Variants in ASB3 observed in about 807,000 individuals in gnomAD.
ASB3 encodes the protein ankyrin repeat and SOCS box protein 3.
Under a neutral mutation model 54.5 loss-of-function variants are expected in ASB3, and 41 were observed. The observed-to-expected ratio is 0.75, with a 90% confidence interval of 0.59 to 0.98. The LOEUF is 0.98. Ranked by LOEUF, ASB3 falls within the 50% of genes least tolerant of loss-of-function variation. ASB3 has a pLI of 0.00. For synonymous variants in ASB3, 266 were observed against 221.2 expected (o/e 1.20, Z -1.80); for missense variants, 733 against 620.0 (o/e 1.18, Z -1.94).
In ASB3 at chr2:53,773,260, G is replaced by A. The variant is rs1040011508; in HGVS notation, c.-13-7675C>T. Among the ~76,000 whole-genome samples, 56 of 150,664 alleles carry A rather than the reference G, an allele frequency of 3.7e-4. 1 individual carries two copies. The highest frequency in any genetic ancestry group is 1.3e-3 in the African/African-American group (53 of 40,338). The stretch of plus-strand genomic sequence containing the variant: ...GGCTCATATTTTTCATTTCAGTCCC[G>A]TTATTAAAGAAAAAGACCAAATTAA... On this transcript the variant is annotated intron_variant, in intron 1 of 9. Coordinates refer to ENST00000263634, the MANE Select transcript of ASB3 (RefSeq NM_016115.5).
chr2:53,675,915 G>A (rs1260803616), intron 9 of ASB3, among the ~76,000 whole-genome samples: 1 of 152,096 alleles, frequency 6.6e-6, no homozygotes, highest in East Asian at 1.9e-4. Flanking sequence ...GGGCATGGAG[G>A]GGAGTTCCTT....
intron 1 of ASB3, 128 bp from the exon 2 acceptor site, chr2:53,765,713 G>A: frequency 9.3e-7 from 1 of 1,073,052 alleles, no homozygotes; most frequent in Non-Finnish European, 1.3e-6. Flanking sequence ...CCACAATACA[G>A]AAAGTGACTG....
chr2:53,749,135 A>C (rs1456804335), intron 3 of ASB3, among the ~76,000 whole-genome samples: 1 of 152,170 alleles, frequency 6.6e-6, no homozygotes, highest in Non-Finnish European at 1.5e-5. Context: ...ATTATTTCAA[A>C]ACAAAACGTC....
chr2:53,671,375 T>C (rs1330867132), intron 9 of ASB3, among the ~76,000 whole-genome samples: 1 of 151,588 alleles, frequency 6.6e-6, no homozygotes, highest in Non-Finnish European at 1.5e-5. Context: ...TGTGTGTGTG[T>C]GTGTGTGTGT....
At chr2:53,749,070 G>A (rs1672381200) in intron 3 of ASB3, among the ~76,000 whole-genome samples, 1 of 152,018 alleles carries the variant, frequency 6.6e-6, no homozygotes, top group South Asian at 2.1e-4. Context: ...AAATCTGGGT[G>A]AAAAGTATAT....
At chr2:53,768,686 T>C (rs959667632) in intron 1 of ASB3, among the ~76,000 whole-genome samples, 1 of 152,252 alleles carries the variant, frequency 6.6e-6, no homozygotes, top group Non-Finnish European at 1.5e-5. Context: ...ATTATTTTAA[T>C]GTTACTTTCT....
chr2:53,738,889 C>G (rs1217377384), intron 3 of ASB3, among the ~76,000 whole-genome samples: 1 of 152,130 alleles, frequency 6.6e-6, no homozygotes, highest in Non-Finnish European at 1.5e-5. Context: ...AGGCAGAGCT[C>G]CAAGTGTCTG....
chr2:53,717,370 T>C (rs949395003), intron 5 of ASB3, among the ~76,000 whole-genome samples: 3 of 152,192 alleles, frequency 2.0e-5, no homozygotes, highest in African/African-American at 2.4e-5. Context: ...AAAACTAATA[T>C]TGACTATACT....
intron 2 of ASB3, among the ~76,000 whole-genome samples, chr2:53,758,708 G>C (rs1672973988): frequency 6.6e-6 from 1 of 152,138 alleles, no homozygotes; most frequent in South Asian, 2.1e-4. Flanking sequence ...GAGGTCCATG[G>C]GTAGTTGTAC....
chr2:53,686,887 A>T (rs1365490321), intron 9 of ASB3, among the ~76,000 whole-genome samples: 1 of 151,972 alleles, frequency 6.6e-6, no homozygotes, highest in Non-Finnish European at 1.5e-5. Flanking sequence ...ACACCCGGCT[A>T]ATTTTGTATT....
At chr2:53,785,752 G>A (rs529709784) in intron 1 of ASB3, among the ~76,000 whole-genome samples, 77 of 152,326 alleles carry the variant, frequency 5.1e-4, no homozygotes, top group Non-Finnish European at 7.8e-4. Flanking sequence ...AGAAAAAGGA[G>A]AATCCCTTGA....
intron 7 of ASB3, among the ~76,000 whole-genome samples, chr2:53,713,776 G>A (rs945836606): frequency 2.0e-5 from 3 of 152,054 alleles, no homozygotes; most frequent in African/African-American, 7.2e-5. Flanking sequence ...AGCTGGGAGT[G>A]GTGGTGTACA....
At chr2:53,729,949 A>G (rs1356068166) in intron 3 of ASB3, among the ~76,000 whole-genome samples, 1 of 152,242 alleles carries the variant, frequency 6.6e-6, no homozygotes, top group African/African-American at 2.4e-5. Context: ...AAGGTTTGCT[A>G]TTACTACATT....
At chr2:53,670,864 C>A (rs567913502) in intron 9 of ASB3, among the ~76,000 whole-genome samples, 174 bp from the exon 10 acceptor site, 3 of 152,276 alleles carry the variant, frequency 2.0e-5, no homozygotes, top group South Asian at 2.1e-4. Context: ...TTTTCTACAG[C>A]CTTCAACTGG....
At chr2:53,728,357 A>G (rs562681972) in intron 5 of ASB3, among the ~76,000 whole-genome samples, 48 of 152,302 alleles carry the variant, frequency 3.2e-4, no homozygotes, top group Non-Finnish European at 3.5e-4. Context: ...TAATAAACAA[A>G]ATAGCCATCT....
chr2:53,703,694 T>C (rs1669613193), intron 7 of ASB3, among the ~76,000 whole-genome samples: 1 of 152,196 alleles, frequency 6.6e-6, no homozygotes, highest in South Asian at 2.1e-4. Context: ...GATAAAAGTT[T>C]ATTAGAATAC....
intron 1 of ASB3, among the ~76,000 whole-genome samples, chr2:53,771,682 G>A (rs1056814134): frequency 8.6e-5 from 13 of 151,756 alleles, no homozygotes; most frequent in South Asian, 4.1e-4. Context: ...TACCTAATAC[G>A]TATAAATTGA....
intron 9 of ASB3, among the ~76,000 whole-genome samples, chr2:53,680,645 T>A (rs1668320949): frequency 6.6e-6 from 1 of 152,230 alleles, no homozygotes. Flanking sequence ...GATACTTTGA[T>A]ACAGGCATGC....
intron 3 of ASB3, among the ~76,000 whole-genome samples, chr2:53,742,632 C>A (rs1472776188): frequency 6.6e-6 from 1 of 151,118 alleles, no homozygotes; most frequent in Non-Finnish European, 1.5e-5. Context: ...AAACTGAATT[C>A]AGAAAATACC....
Sources: allele counts gnomAD v4.1 joint callset (sites outside exome capture counted in the v4.1 genomes callset), GRCh38; gene constraint gnomAD v4.1.1; transcripts MANE v1.5; gene names NCBI Gene and HGNC (gene_info 2026-07-23, HGNC 2026-07-21).